The following FAM13A variants were observed in gnomAD, a reference collection of about 807,000 sequenced individuals.
FAM13A encodes family with sequence similarity 13 member A, also known as protein FAM13A.
Under a neutral mutation model 129.6 loss-of-function variants are expected in FAM13A, and 76 were observed. That is an observed-to-expected ratio of 0.59 (90% CI 0.49 to 0.71). The LOEUF is 0.71. FAM13A is among the 30% of genes least tolerant of loss of function. The pLI is 0.00. For synonymous variants in FAM13A, 443 were observed against 449.9 expected (o/e 0.98, Z 0.20); for missense variants, 1,108 against 1,249.3 (o/e 0.89, Z 1.70).
intron 7 of FAM13A, among the ~76,000 whole-genome samples, chr4:88,825,325 C>T (rs1049868796): frequency 6.6e-6 from 1 of 151,798 alleles, no homozygotes; most frequent in African/African-American, 2.4e-5. Flanking sequence ...AAGTGATTCT[C>T]CTGTCTTAGC....
rs189660798 is a variant in FAM13A, at chr4:89,043,367, A to C, written c.27+13571T>G. Among the ~76,000 whole-genome samples, 563 of 152,296 alleles carry C rather than the reference A, an allele frequency of 3.7e-3. 7 individuals are homozygous for C. Among genetic ancestry groups the C allele is most frequent in the Non-Finnish European group, 2.5e-3 (167 of 68,014 alleles). Reference sequence around the variant, plus strand: ...CTCTCTTGACCCAGGCCAGCTTCTGAGAGGCAAAGGAGAGATGGGCAAACA... The same window carrying C: ...CTCTCTTGACCCAGGCCAGCTTCTGCGAGGCAAAGGAGAGATGGGCAAACA... On this transcript the variant is annotated intron_variant, in intron 1 of 23. Coordinates refer to ENST00000264344, the MANE Select transcript of FAM13A (RefSeq NM_014883.4).
At chr4:88,926,085 C>T (rs903964713) in intron 5 of FAM13A, among the ~76,000 whole-genome samples, 5 of 152,078 alleles carry the variant, frequency 3.3e-5, no homozygotes, top group African/African-American at 1.2e-4. Flanking sequence ...CACTCTTAAG[C>T]TCCCACAGTG....
At chr4:88,846,729 C>T (rs1736704136) in intron 7 of FAM13A, among the ~76,000 whole-genome samples, 1 of 152,142 alleles carries the variant, frequency 6.6e-6, no homozygotes, top group Non-Finnish European at 1.5e-5. Context: ...AATTCAGTGA[C>T]TTTTAGTAAC....
At chr4:88,899,676 G>C (rs1001771938) in intron 6 of FAM13A, among the ~76,000 whole-genome samples, 23 of 151,940 alleles carry the variant, frequency 1.5e-4, no homozygotes, top group African/African-American at 5.3e-4. Context: ...AAACATTCTG[G>C]ATTAAAGAAG....
At chr4:88,983,622 A>G (rs1394279069) in intron 4 of FAM13A, among the ~76,000 whole-genome samples, 1 of 152,180 alleles carries the variant, frequency 6.6e-6, no homozygotes, top group Non-Finnish European at 1.5e-5. Flanking sequence ...CCTGAAAACC[A>G]TAAAACAGTA....
chr4:88,822,441 A>G (rs1322264805), intron 7 of FAM13A, among the ~76,000 whole-genome samples: 2 of 152,190 alleles, frequency 1.3e-5, no homozygotes, highest in African/African-American at 2.4e-5. Flanking sequence ...AAAAAATGCT[A>G]TTTGTGTAAT....
At chr4:88,947,848 T>TA (rs1382532980) in intron 4 of FAM13A, among the ~76,000 whole-genome samples, 1 of 152,150 alleles carries the variant, frequency 6.6e-6, no homozygotes, top group East Asian at 1.9e-4. Context: ...AAGTCATAGA[T>TA]AGATATTCTC....
At chr4:88,752,331 A>G (rs1374114371) in intron 14 of FAM13A, among the ~76,000 whole-genome samples, 1 of 152,224 alleles carries the variant, frequency 6.6e-6, no homozygotes, top group Admixed American at 6.5e-5. Flanking sequence ...GCTTCAACTT[A>G]GAATGTGCCA....
chr4:88,872,102 T>C (rs1741515081), intron 6 of FAM13A, among the ~76,000 whole-genome samples: 1 of 152,008 alleles, frequency 6.6e-6, no homozygotes, highest in African/African-American at 2.4e-5. Context: ...GGCTGAGAGA[T>C]TTTGTCACCA....
intron 7 of FAM13A, among the ~76,000 whole-genome samples, chr4:88,823,877 T>A (rs1327977939): frequency 2.6e-5 from 4 of 152,224 alleles, no homozygotes; most frequent in African/African-American, 9.6e-5. Context: ...GGGATCAGAA[T>A]CCACTCTAAT....
intron 8 of FAM13A, among the ~76,000 whole-genome samples, chr4:88,802,836 CA>C (rs1299161159): frequency 6.6e-6 from 1 of 152,136 alleles, no homozygotes; most frequent in East Asian, 1.9e-4. Flanking sequence ...ACTCCAGTAG[CA>C]GGATTCCCAT....
intron 6 of FAM13A, among the ~76,000 whole-genome samples, chr4:88,873,061 G>A (rs1741713164): frequency 6.6e-6 from 1 of 152,150 alleles, no homozygotes; most frequent in Non-Finnish European, 1.5e-5. Context: ...ATGAAATGAG[G>A]GAGGAAATAA....
intron 5 of FAM13A, among the ~76,000 whole-genome samples, chr4:88,913,168 A>G (rs1340503902): frequency 1.0e-3 from 142 of 139,602 alleles, no homozygotes; most frequent in African/African-American, 3.7e-3. Flanking sequence ...AGGAGGAAGA[A>G]GAAGAGGAAG....
chr4:88,962,095 G>C (rs183494704), intron 4 of FAM13A, among the ~76,000 whole-genome samples: 8 of 151,308 alleles, frequency 5.3e-5, no homozygotes, highest in Non-Finnish European at 1.0e-4. Context: ...AATGGCAACA[G>C]TAAAAACCAG....
At chr4:88,768,158 A>G (rs948714538) in intron 11 of FAM13A, 99 bp from the exon 12 acceptor site, 1 of 618,650 alleles carries the variant, frequency 1.6e-6, no homozygotes, top group Non-Finnish European at 2.9e-6. Flanking sequence ...TAATATGTAT[A>G]TATAAACTAA....
chr4:88,967,975 T>A (rs1017439788), intron 4 of FAM13A, among the ~76,000 whole-genome samples: 3 of 152,148 alleles, frequency 2.0e-5, no homozygotes, highest in African/African-American at 7.2e-5. Context: ...GTGTTTACTT[T>A]CCACAATTAC....
At chr4:88,747,453 C>T (rs192101908) in intron 18 of FAM13A, among the ~76,000 whole-genome samples, 178 bp downstream of exon 18, 101 of 152,306 alleles carry the variant, frequency 6.6e-4, no homozygotes, top group Non-Finnish European at 1.2e-3. Context: ...TAGTCAAAAA[C>T]CAAAGCACCC....
At chr4:88,928,136 T>C (rs923729959) in intron 5 of FAM13A, among the ~76,000 whole-genome samples, 1 of 152,170 alleles carries the variant, frequency 6.6e-6, no homozygotes, top group Non-Finnish European at 1.5e-5. Context: ...TGTGTCTGTA[T>C]AGTTTCTGAA....
intron 11 of FAM13A, 112 bp from the exon 12 acceptor site, chr4:88,768,171 C>A: frequency 1.8e-6 from 1 of 568,674 alleles, no homozygotes; most frequent in Non-Finnish European, 3.2e-6. Flanking sequence ...TAAACTAATT[C>A]TAGTCCTCAT....
Sources: gnomAD v4.1 joint callset for allele counts (sites outside exome capture counted in the v4.1 genomes callset) on GRCh38, gnomAD v4.1.1 for gene constraint, MANE v1.5 for transcripts, NCBI Gene and HGNC (gene_info 2026-07-23, HGNC 2026-07-21) for gene names.